Variants in TMEM92 observed in about 807,000 individuals in gnomAD.
TMEM92 encodes transmembrane protein 92.
In TMEM92, 15 loss-of-function variants were observed where a neutral mutation model predicts 14.6. The observed-to-expected ratio is 1.03, with a 90% CI of 0.69 to 1.58. The LOEUF is 1.58. TMEM92 is among the 40% of genes most tolerant of loss of function. The probability of loss-of-function intolerance (pLI) is 0.00; values close to 1 mark genes in which losing one functional copy is unlikely to be tolerated. For synonymous variants in TMEM92, 85 were observed against 83.3 expected (o/e 1.02, Z -0.11); for missense variants, 174 against 202.4 (o/e 0.86, Z 0.85).
Position 50,279,247 on chromosome 17 carries a change from A to T in TMEM92, c.419A>T (p.Tyr140Phe). 1 of 1,613,772 alleles carries T rather than the reference A, an allele frequency of 6.2e-7. No individual in the cohort carries two copies. Among genetic ancestry groups the T allele is most frequent in the Non-Finnish European group, 8.5e-7 (1 of 1,179,854 alleles). The change falls in exon 5 of 5, where the codon TAC becomes TTC. Residue 140 changes from tyrosine to phenylalanine, a missense_variant. Physicochemically the swap from Tyr to Phe is conservative, Grantham distance 22. Coordinates refer to ENST00000507382, the MANE Select transcript of TMEM92 (RefSeq NM_153229.3). ...ACTCCCACAGAGCCACCCCCTCCCT[A>T]CAGCTTCAGGCCTGAAGAATATACC... ...GPTPTEPPPPYSFRPEEYTGD... is the reference protein window; with the variant it reads ...GPTPTEPPPPFSFRPEEYTGD...
Position 50,278,797 on chromosome 17 carries a change from C to G in TMEM92, c.171-4C>G, listed in dbSNP as rs371912963. ...CAGGGTACTCTTGGTGGTCCCCACC[C>G]CAGGATCTTCGTCATCATCTTCCTG... is the stretch of plus-strand genomic sequence containing the variant. On this transcript the variant is annotated splice_region_variant and splice_polypyrimidine_tract_variant and intron_variant, in intron 3 of 4. Transcript: ENST00000507382. The G allele has an allele frequency of 3.5e-5, 57 of 1,607,050 alleles. No individual in the cohort carries two copies. The highest frequency in any genetic ancestry group is 2.5e-4 in the South Asian group (23 of 90,394).
In TMEM92 at chr17:50,279,315, T is replaced by G. The variant is rs1017551173; in HGVS notation, c.*7T>G. The G allele has an allele frequency of 1.7e-5, 27 of 1,612,590 alleles. No homozygotes were observed. In the Admixed American group the frequency reaches 2.5e-4, roughly 15 times the overall value. ...TGACAACCCGGCCTTCTGAGTCACC[T>G]CCTGCCTGGAATCTTGCCATCAGCA... On this transcript the variant is annotated 3_prime_UTR_variant, in exon 5 of 5. Coordinates refer to ENST00000507382, the MANE Select transcript of TMEM92 (RefSeq NM_153229.3).
upstream of TMEM92, among the ~76,000 whole-genome samples, chr17:50,273,271 C>A (rs1183683193): frequency 6.6e-6 from 1 of 152,154 alleles, no homozygotes; most frequent in African/African-American, 2.4e-5. Flanking sequence ...AGCCCACAAG[C>A]CCCGGCCGCG....
intron 1 of TMEM92, among the ~76,000 whole-genome samples, chr17:50,276,811 A>G (rs1403607794): frequency 2.6e-5 from 4 of 152,244 alleles, no homozygotes; most frequent in Non-Finnish European, 5.9e-5. Flanking sequence ...CTTTTACACA[A>G]CTGAAGGACA....
intron 2 of TMEM92, 119 bp from the exon 3 acceptor site, chr17:50,278,437 C>G: frequency 1.8e-6 from 2 of 1,142,822 alleles, no homozygotes; most frequent in Non-Finnish European, 2.5e-6. Context: ...CCCCACCCCA[C>G]TAAGGGGTGG....
upstream of TMEM92, chr17:50,274,342 T>TTCCTCCCTTCC: frequency 1.5e-6 from 1 of 683,244 alleles, no homozygotes; most frequent in East Asian, 2.8e-5. Flanking sequence ...TGCGCCTCCC[T>TTCCTCCCTTCC]TCCTCCCTTC....
Position 50,279,467 on chromosome 17 carries a change from A to AC in TMEM92, c.*163dup, listed in dbSNP as rs1910544295. 9.4e-6 allele frequency: 6 copies of AC among 638,578 alleles called. No homozygotes were observed. Among genetic ancestry groups the AC allele is most frequent in the Non-Finnish European group, 1.6e-5 (6 of 368,552 alleles). 39.6% of individuals were successfully genotyped at this position (638,578 alleles called of 1,614,324 possible). A position where few individuals can be genotyped will look rare whatever the true frequency, so the allele number is the denominator to read the frequency against. On this transcript the variant is annotated 3_prime_UTR_variant, in exon 5 of 5. Coordinates refer to ENST00000507382, the MANE Select transcript of TMEM92 (RefSeq NM_153229.3). ...TATTACTTTTTCTGCTTCTGTTTCC[A>AC]CCCCAGCTGCCTCTCTTGTCCTGAG... is the stretch of plus-strand genomic sequence containing the variant.
rs779855231 is a variant in TMEM92, at chr17:50,274,479, A to T, written c.-23A>T. On this transcript the variant is annotated 5_prime_UTR_variant, in exon 1 of 5. The change creates a new upstream start codon in the 5' untranslated region. Coordinates refer to ENST00000507382, the MANE Select transcript of TMEM92 (RefSeq NM_153229.3). ...CAGCCCCGCCTTCTCTACACAGGAA[A>T]GCTCAGTGGCCCCCAAGCCAGGATG... 2 of 1,613,632 alleles carry T rather than the reference A, an allele frequency of 1.2e-6. No individual in the cohort carries two copies. The highest frequency in any genetic ancestry group is 2.2e-5 in the East Asian group (1 of 44,858).
chr17:50,274,285 C>G (rs1910346893), upstream of TMEM92: 6 of 576,398 alleles, frequency 1.0e-5, no homozygotes, highest in Admixed American at 1.9e-4. Context: ...TTTAAAAATC[C>G]GTTAATCTCT....
At chr17:50,277,763 C>A in intron 2 of TMEM92, 23 bp downstream of exon 2, 1 of 1,613,980 alleles carries the variant, frequency 6.2e-7, no homozygotes, top group Non-Finnish European at 8.5e-7. Flanking sequence ...GCCATAACTT[C>A]CAATCTGGGG....
At chr17:50,276,089 C>T (rs920784108) in intron 1 of TMEM92, among the ~76,000 whole-genome samples, 3 of 151,992 alleles carry the variant, frequency 2.0e-5, no homozygotes, top group Non-Finnish European at 4.4e-5. Context: ...CGAGATCGCA[C>T]CACTGCACTC....
At chr17:50,275,487 C>T (rs779867469) in intron 1 of TMEM92, among the ~76,000 whole-genome samples, 33 of 152,116 alleles carry the variant, frequency 2.2e-4, no homozygotes, top group South Asian at 4.2e-4. Flanking sequence ...CCCACCAACC[C>T]CAGGGGCGAG....
chr17:50,275,433 C>T (rs1311656138), intron 1 of TMEM92, among the ~76,000 whole-genome samples: 2 of 152,048 alleles, frequency 1.3e-5, no homozygotes, highest in Non-Finnish European at 2.9e-5. Flanking sequence ...ACTGGGCGGT[C>T]AGTTTGTGTC....
At position 50,278,798 on chromosome 17, in the gene TMEM92, C is replaced by T. The variant is rs1382140448; in HGVS notation, c.171-3C>T. ...AGGGTACTCTTGGTGGTCCCCACCC[C>T]AGGATCTTCGTCATCATCTTCCTGG... On this transcript the variant is annotated splice_region_variant and splice_polypyrimidine_tract_variant and intron_variant, in intron 3 of 4. Coordinates refer to ENST00000507382, the MANE Select transcript of TMEM92 (RefSeq NM_153229.3). 1 of 1,608,178 alleles carries T rather than the reference C, an allele frequency of 6.2e-7. No individual in the cohort carries two copies. The highest frequency in any genetic ancestry group is 1.3e-5 in the African/African-American group (1 of 74,800).
chr17:50,272,224 G>T (rs2143031059), upstream of TMEM92, among the ~76,000 whole-genome samples: 1 of 151,848 alleles, frequency 6.6e-6, no homozygotes, highest in Middle Eastern at 3.4e-3. Flanking sequence ...TGCCCGCCTA[G>T]TTCCCTCACC....
At chr17:50,277,904 C>T (rs1001177087) in intron 2 of TMEM92, among the ~76,000 whole-genome samples, 164 bp downstream of exon 2, 4 of 152,062 alleles carry the variant, frequency 2.6e-5, no homozygotes, top group African/African-American at 9.7e-5. Context: ...GAGGGAGACC[C>T]CACCCTCTAC....
At chr17:50,273,298 G>A (rs1910312479), upstream of TMEM92, among the ~76,000 whole-genome samples, 1 of 152,092 alleles carries the variant, frequency 6.6e-6, no homozygotes, top group South Asian at 2.1e-4. Flanking sequence ...CCGGCTCCCG[G>A]GGGCACCCGC....
In TMEM92 at chr17:50,278,913, C is replaced by CG. The variant is rs774952999; in HGVS notation, c.288dup (p.Pro97AlafsTer26). 1 of 1,613,616 alleles carries CG rather than the reference C, an allele frequency of 6.2e-7. No individual in the cohort carries two copies. ...GGAGCCAGACAGCCCAGTGGATTGC[C>CG]GGGGGCCCCTGGAACTGCCCTCCAT... On this transcript the variant is annotated frameshift_variant, in exon 4 of 5. Transcript: ENST00000507382. LOFTEE classifies it high-confidence loss of function.
In TMEM92 at chr17:50,278,976, C is replaced by A. The variant is rs868209894; in HGVS notation, c.346C>A (p.Pro116Thr). ...PERVRVSLSA[P>T]PPPYSEVILK... The stretch of plus-strand genomic sequence containing the variant: ...GAGGGTCAGAGTATCCCTTTCTGCG[C>A]CCCCACCCCCCTACAGTGAGGTGGG... The change falls in exon 4 of 5, where the codon CCC becomes ACC. Residue 116 changes from proline to threonine, a missense_variant. Coordinates refer to ENST00000507382, the MANE Select transcript of TMEM92 (RefSeq NM_153229.3). The A allele has an allele frequency of 1.2e-6, 2 of 1,602,994 alleles. No homozygotes were observed. Among genetic ancestry groups the A allele is most frequent in the African/African-American group, 2.7e-5 (2 of 74,748 alleles).
Sources: allele counts gnomAD v4.1 joint callset (sites outside exome capture counted in the v4.1 genomes callset), GRCh38; gene constraint gnomAD v4.1.1; transcripts MANE v1.5; gene names NCBI Gene and HGNC (gene_info 2026-07-23, HGNC 2026-07-21).